NPAS3: variants seen among roughly 807,000 people sequenced by gnomAD.
The protein encoded by NPAS3 is neuronal PAS domain protein 3, also known as neuronal PAS domain-containing protein 3.
A neutral mutation model predicts 73.1 loss-of-function variants in NPAS3; 14 were observed. The ratio of observed to expected loss-of-function variants is 0.19; its 90% CI spans 0.13 to 0.30. The LOEUF (loss-of-function observed/expected upper bound fraction) is 0.30. Among genes scored for constraint, NPAS3 ranks in the 10% least tolerant of loss-of-function variants. The pLI, the probability that NPAS3 is intolerant of heterozygous loss-of-function variation, is 1.00. For synonymous variants in NPAS3, 620 were observed against 541.5 expected, an observed-to-expected ratio of 1.14 and a Z score of -2.01; for missense variants, 1,096 against 1,250.0, an observed-to-expected ratio of 0.88 and a Z score of 1.86.
intron 3 of NPAS3, among the ~76,000 whole-genome samples, chr14:33,343,729 C>T (rs933144453): frequency 2.0e-5 from 3 of 152,128 alleles, no homozygotes; most frequent in African/African-American, 7.2e-5. Flanking sequence ...ATATATTTGG[C>T]TGCAAATAAC....
In NPAS3 at chr14:33,113,955, A is replaced by G. The variant is rs1168669539; in HGVS notation, c.140+57961A>G. Among the ~76,000 whole-genome samples the G allele has an allele frequency of 2.0e-5, 3 of 152,144 alleles. 1 individual carries two copies. On this transcript the variant is annotated intron_variant, in intron 2 of 11. Coordinates refer to ENST00000356141, the Ensembl canonical transcript of NPAS3. ...GGTTTTTGTCATTGGTTCTGTTTAT[A>G]TGCTGTATTATGTTTATTGATTTGC...
rs1471527770 is a variant in NPAS3 at position 33,800,535 on chromosome 14, C to T, written c.2228C>T (p.Ala743Val). 180 of 1,368,350 alleles carry T rather than the reference C, an allele frequency of 1.3e-4. 1 individual carries two copies. The highest frequency in any genetic ancestry group is 1.6e-4 in the Non-Finnish European group (175 of 1,068,520). The allele number at this position is 1,368,350 out of a possible 1,614,324, so 84.8% of individuals were successfully genotyped here. Residue 743 changes from alanine to valine, a missense_variant, in exon 12 of 12, where the codon GCC becomes GTC. By Grantham distance (64) the Ala-to-Val change is moderately conservative. Coordinates refer to ENST00000356141, the Ensembl canonical transcript of NPAS3. The surrounding 1 kb of genome is among the most constrained non-coding windows in gnomAD (Gnocchi z 6.5). Reference sequence around the variant, plus strand: ...GCCACCGCGGCCCTGGCCCCCGTCGCCTCCGACCCGCTGTCACCCCCGCTC... The same window carrying T: ...GCCACCGCGGCCCTGGCCCCCGTCGTCTCCGACCCGCTGTCACCCCCGCTC...
intron 2 of NPAS3, among the ~76,000 whole-genome samples, chr14:33,083,840 T>C (rs2041939110): frequency 6.6e-6 from 1 of 152,188 alleles, no homozygotes; most frequent in African/African-American, 2.4e-5. Flanking sequence ...CTATCTATAT[T>C]ACCTCTCTAT....
chr14:33,165,878 T>C (rs2045120426), intron 2 of NPAS3, among the ~76,000 whole-genome samples: 1 of 152,218 alleles, frequency 6.6e-6, no homozygotes, highest in Non-Finnish European at 1.5e-5. Context: ...TTGATTTCTG[T>C]GTTCTGTCCA....
At chr14:33,767,264 A>G (rs115463108) in intron 7 of NPAS3, among the ~76,000 whole-genome samples, 369 of 152,290 alleles carry the variant, frequency 2.4e-3, no homozygotes, top group African/African-American at 8.2e-3. Context: ...AATTTGCATG[A>G]AGTAGTCTAC....
At chr14:33,686,581 T>C (rs1174228405) in intron 6 of NPAS3, among the ~76,000 whole-genome samples, 2 of 152,140 alleles carry the variant, frequency 1.3e-5, no homozygotes, top group Non-Finnish European at 2.9e-5. Flanking sequence ...CTCATTTATT[T>C]CTCACAAAAC....
At chr14:33,670,072 C>T (rs2059568985) in intron 5 of NPAS3, among the ~76,000 whole-genome samples, 1 of 152,076 alleles carries the variant, frequency 6.6e-6, no homozygotes, top group Non-Finnish European at 1.5e-5. Context: ...GCTGCGGTTG[C>T]AATTTTCAAG....
intron 3 of NPAS3, among the ~76,000 whole-genome samples, chr14:33,287,867 C>T (rs187302204): frequency 6.6e-6 from 1 of 152,248 alleles, no homozygotes; most frequent in Non-Finnish European, 1.5e-5. Context: ...ATGTACATTC[C>T]ACCAAACTGG....
At chr14:32,958,220 C>T (rs1184108348) in intron 1 of NPAS3, among the ~76,000 whole-genome samples, 1 of 152,042 alleles carries the variant, frequency 6.6e-6, no homozygotes. Flanking sequence ...AAGTTCTCTT[C>T]CCCCAAATAA....
chr14:33,210,128 G>A (rs1276084168), intron 2 of NPAS3, among the ~76,000 whole-genome samples: 2 of 152,128 alleles, frequency 1.3e-5, no homozygotes, highest in Non-Finnish European at 2.9e-5. Context: ...TCTCTGTGAA[G>A]TGGGGAACCG....
chr14:33,242,790 C>T (rs1184110348), intron 3 of NPAS3, among the ~76,000 whole-genome samples: 1 of 152,048 alleles, frequency 6.6e-6, no homozygotes, highest in Non-Finnish European at 1.5e-5. Context: ...ATGGTTTGTG[C>T]TTACATTGCT....
At chr14:33,463,229 C>T (rs2050356112) in intron 4 of NPAS3, among the ~76,000 whole-genome samples, 2 of 152,142 alleles carry the variant, frequency 1.3e-5, no homozygotes, top group African/African-American at 2.4e-5. Flanking sequence ...AGCCACTGAA[C>T]AAATCTGTAG....
chr14:33,160,490 G>A (rs2044825317), intron 2 of NPAS3, among the ~76,000 whole-genome samples: 1 of 123,482 alleles, frequency 8.1e-6, no homozygotes, highest in African/African-American at 3.1e-5. Flanking sequence ...GGGGCCTGTT[G>A]TGGGGTGGGG....
chr14:33,056,822 TC>T lies in NPAS3; in HGVS notation c.140+830del, dbSNP rs145803993. Among the ~76,000 whole-genome samples, 1,211 of 152,340 alleles carry T rather than the reference TC, an allele frequency of 7.9e-3. 6 individuals carry two copies. The highest frequency in any genetic ancestry group is 0.013 in the Non-Finnish European group (867 of 68,028). On this transcript the variant is annotated intron_variant, in intron 2 of 11. Transcript: ENST00000356141. ...GCAACATTAACCTTTAATTAAATTC[TC>T]CTATGGAAAATGGAAAGTAATGTAA...
chr14:33,637,479 A>C (rs1031163347), intron 5 of NPAS3, among the ~76,000 whole-genome samples: 1 of 152,192 alleles, frequency 6.6e-6, no homozygotes, highest in Admixed American at 6.5e-5. Context: ...TTCTAAGCTT[A>C]TAAAGCACTA....
At chr14:33,498,935 A>AGAGAGTGT (rs1335110760) in intron 4 of NPAS3, among the ~76,000 whole-genome samples, 1 of 94,902 alleles carries the variant, frequency 1.1e-5, no homozygotes, top group Non-Finnish European at 2.2e-5. Context: ...ACAGAGAGAG[A>AGAGAGTGT]GTGTGTGTGT....
chr14:33,311,969 G>T (rs1378035132), intron 3 of NPAS3, among the ~76,000 whole-genome samples: 2 of 152,070 alleles, frequency 1.3e-5, no homozygotes, highest in Admixed American at 6.6e-5. Context: ...AGTTTGGTTG[G>T]ACTATATCAC....
At chr14:33,304,722 A>T (rs1457302540) in intron 3 of NPAS3, among the ~76,000 whole-genome samples, 3 of 152,132 alleles carry the variant, frequency 2.0e-5, no homozygotes, top group Non-Finnish European at 2.9e-5. Flanking sequence ...TTTATCTAGC[A>T]TCTATAACCA....
chr14:33,382,733 G>T (rs2046610373), intron 4 of NPAS3, among the ~76,000 whole-genome samples: 1 of 152,040 alleles, frequency 6.6e-6, no homozygotes, highest in African/African-American at 2.4e-5. Flanking sequence ...TCCAATAATT[G>T]CATTTACAAT....
Sources: gnomAD v4.1 joint callset for allele counts (sites outside exome capture counted in the v4.1 genomes callset) on GRCh38, gnomAD v4.1.1 for gene constraint, Gnocchi (gnomAD v3.1) non-coding constraint, MANE v1.5 for transcripts, NCBI Gene and HGNC (gene_info 2026-07-23, HGNC 2026-07-21) for gene names.